TRAK1: variants seen among roughly 807,000 people sequenced by gnomAD.
TRAK1 encodes the protein trafficking kinesin protein 1, also known as trafficking kinesin-binding protein 1.
In TRAK1, 33 loss-of-function variants were observed where a neutral mutation model predicts 92.1. The observed-to-expected ratio is 0.36, with a 90% confidence interval of 0.27 to 0.48. The LOEUF is 0.48. Among genes scored for constraint, TRAK1 ranks in the 20% least tolerant of loss-of-function variants. The probability of loss-of-function intolerance (pLI) is 0.99; values close to 1 mark genes in which losing one functional copy is unlikely to be tolerated. For synonymous variants in TRAK1, 521 were observed against 517.3 expected (o/e 1.01, Z -0.10); for missense variants, 1,123 against 1,257.9 (o/e 0.89, Z 1.62).
chr3:42,031,317 G>A (rs932518342), intron 1 of TRAK1, among the ~76,000 whole-genome samples: 5 of 151,720 alleles, frequency 3.3e-5, no homozygotes, highest in East Asian at 2.0e-4. Context: ...GATTACAGGC[G>A]TGAGCCACCG....
intron 1 of TRAK1, among the ~76,000 whole-genome samples, chr3:42,118,637 T>C (rs1171626151): frequency 6.6e-6 from 1 of 152,216 alleles, no homozygotes; most frequent in East Asian, 1.9e-4. Context: ...GCTCTGCACC[T>C]TCCAGGTGCC....
intron 14 of TRAK1, chr3:42,210,467 T>C: frequency 8.0e-7 from 1 of 1,254,222 alleles, no homozygotes; most frequent in Non-Finnish European, 1.0e-6. Flanking sequence ...CCCTTCTTCC[T>C]GGTCTGGGTG....
rs368169988 is a variant in TRAK1 at position 42,116,019 on chromosome 3, G to A, written c.92-9401G>A. ...CTGCACTGCCTGCTGGCTTGTGAGA[G>A]TAAATGAAAGGCAGTAATAGATACA... On this transcript the variant is annotated intron_variant, in intron 1 of 15. Coordinates refer to ENST00000327628, the MANE Select transcript of TRAK1 (RefSeq NM_001042646.3). Among the ~76,000 whole-genome samples, 4 of 152,230 alleles carry A rather than the reference G, an allele frequency of 2.6e-5. No homozygotes were observed. In the East Asian group the frequency reaches 7.7e-4, roughly 29 times the overall value.
chr3:42,064,970 G>A (rs112923795), intron 1 of TRAK1, among the ~76,000 whole-genome samples: 11,948 of 150,104 alleles, frequency 0.08, 506 homozygotes, highest in Middle Eastern at 0.18. Context: ...GGAGAATGGC[G>A]GGAGGCTGAG....
At chr3:42,113,615 A>G (rs1456672190) in intron 1 of TRAK1, among the ~76,000 whole-genome samples, 1 of 151,980 alleles carries the variant, frequency 6.6e-6, no homozygotes, top group Non-Finnish European at 1.5e-5. Context: ...GGGTTTCACT[A>G]TGTTGGCTAG....
chr3:42,118,855 A>G (rs949596523), intron 1 of TRAK1, among the ~76,000 whole-genome samples: 5 of 152,172 alleles, frequency 3.3e-5, no homozygotes, highest in African/African-American at 1.2e-4. Context: ...CTGCTGAGCA[A>G]TTGAGGGGAC....
chr3:42,201,117 T>A (rs1707484661), intron 12 of TRAK1, 63 bp downstream of exon 12: 1 of 1,529,360 alleles, frequency 6.5e-7, no homozygotes, highest in East Asian at 2.3e-5. Context: ...ATGGATTGTC[T>A]GCAGGCTCAG....
At chr3:42,058,587 G>T (rs1703294306) in intron 1 of TRAK1, among the ~76,000 whole-genome samples, 2 of 152,094 alleles carry the variant, frequency 1.3e-5, no homozygotes, top group African/African-American at 4.8e-5. Flanking sequence ...TGGACGATCT[G>T]CCTGCCTCGG....
chr3:42,109,807 A>G (rs943146822), intron 1 of TRAK1, among the ~76,000 whole-genome samples: 2 of 152,050 alleles, frequency 1.3e-5, no homozygotes, highest in African/African-American at 4.8e-5. Flanking sequence ...TTGTAGGGAC[A>G]TGGATGAAGC....
intron 1 of TRAK1, among the ~76,000 whole-genome samples, chr3:42,027,286 G>C (rs914202013): frequency 6.6e-6 from 1 of 152,168 alleles, no homozygotes; most frequent in African/African-American, 2.4e-5. Context: ...CACTTTGGGA[G>C]GCCGAGACGG....
intron 2 of TRAK1, among the ~76,000 whole-genome samples, chr3:42,154,226 G>T (rs1426663760): frequency 1.3e-5 from 2 of 152,108 alleles, no homozygotes; most frequent in South Asian, 4.1e-4. Flanking sequence ...AGGCTGGAGT[G>T]CAGTGGCACG....
chr3:42,020,271 C>T (rs1701678076), intron 1 of TRAK1, among the ~76,000 whole-genome samples: 1 of 152,230 alleles, frequency 6.6e-6, no homozygotes, highest in African/African-American at 2.4e-5. Flanking sequence ...CTTTAATTAT[C>T]TTAGCTCCAT....
At chr3:42,191,491 T>C in intron 6 of TRAK1, 67 bp from the exon 7 acceptor site, 1 of 1,475,368 alleles carries the variant, frequency 6.8e-7, no homozygotes, top group Non-Finnish European at 9.2e-7. Flanking sequence ...GCTTTATGCC[T>C]CAGCCCTTGC....
intron 14 of TRAK1, chr3:42,217,796 G>A: frequency 2.0e-6 from 2 of 985,174 alleles, no homozygotes; most frequent in Non-Finnish European, 2.4e-6. Context: ...TTTGTTTCTA[G>A]ACCTTATTGC....
chr3:42,212,265 C>T (rs9511), intron 14 of TRAK1: 327,663 of 985,068 alleles, frequency 0.33, 54,884 homozygotes, highest in East Asian at 0.46. Context: ...CCTTTTAATC[C>T]GTCCTCTACG....
intron 1 of TRAK1, among the ~76,000 whole-genome samples, chr3:42,045,632 C>T (rs192875933): frequency 2.0e-5 from 3 of 152,214 alleles, no homozygotes; most frequent in Non-Finnish European, 4.4e-5. Flanking sequence ...TTGCCTAATG[C>T]TAATGCGTAA....
chr3:42,124,137 T>TAA (rs35151425), intron 1 of TRAK1, among the ~76,000 whole-genome samples: 1 of 146,996 alleles, frequency 6.8e-6, no homozygotes, highest in Non-Finnish European at 1.5e-5. Flanking sequence ...GACACTGTCT[T>TAA]AAAAAAAAAA....
chr3:42,159,011 T>C (rs1700916834), intron 2 of TRAK1, among the ~76,000 whole-genome samples: 1 of 147,754 alleles, frequency 6.8e-6, no homozygotes, highest in African/African-American at 2.5e-5. Context: ...AATTAGAGGA[T>C]GCATATGTCC....
intron 1 of TRAK1, among the ~76,000 whole-genome samples, chr3:42,017,020 G>C (rs1374446885): frequency 6.6e-6 from 1 of 152,134 alleles, no homozygotes; most frequent in East Asian, 1.9e-4. Flanking sequence ...AGCACTTTGG[G>C]AGGCCAAGGC....
Sources: gnomAD v4.1 joint callset for allele counts (sites outside exome capture counted in the v4.1 genomes callset) on GRCh38, gnomAD v4.1.1 for gene constraint, MANE v1.5 for transcripts, NCBI Gene and HGNC (gene_info 2026-07-23, HGNC 2026-07-21) for gene names.